The following DLG2 variants were observed in gnomAD, a reference collection of about 807,000 sequenced individuals.
The protein encoded by DLG2 is discs large MAGUK scaffold protein 2.
DLG2 carries 45 observed loss-of-function variants against 132.5 expected under a neutral mutation model. That is an observed-to-expected ratio of 0.34 (90% CI 0.27 to 0.44). DLG2 has a LOEUF of 0.44. DLG2 is among the 20% of genes least tolerant of loss of function. The pLI is 1.00. For missense variants in DLG2, 1,045 were observed against 1,196.9 expected (o/e 0.87, Z 1.87); for synonymous variants, 424 against 419.6 (o/e 1.01, Z -0.13).
chr11:85,399,353 G>A (rs1054685077), intron 3 of DLG2, among the ~76,000 whole-genome samples: 1 of 152,088 alleles, frequency 6.6e-6, no homozygotes, highest in South Asian at 2.1e-4. Flanking sequence ...TGGCCATACT[G>A]CCCAAGGTAA....
At chr11:84,653,945 A>G (rs182737310) in intron 6 of DLG2, among the ~76,000 whole-genome samples, 48 of 152,304 alleles carry the variant, frequency 3.2e-4, no homozygotes, top group African/African-American at 1.1e-3. Context: ...AAAGATCTTT[A>G]GCCTTAGGTA....
intron 6 of DLG2, among the ~76,000 whole-genome samples, chr11:84,538,133 T>C (rs2099359865): frequency 6.6e-6 from 1 of 152,182 alleles, no homozygotes; most frequent in Admixed American, 6.5e-5. Flanking sequence ...TAAACTCAGT[T>C]CTGTGGGAGC....
Position 84,766,795 on chromosome 11 carries a change from G to A in DLG2, c.358-232064C>T, listed in dbSNP as rs563253375. ...CCCATGCTTTAAGATGTTTATAGTCGTTATAGTCTTGCTTATAGTCAAGAT... is the reference window on the plus strand; with the variant it reads ...CCCATGCTTTAAGATGTTTATAGTCATTATAGTCTTGCTTATAGTCAAGAT... On this transcript the variant is annotated intron_variant, in intron 6 of 27. Transcript: ENST00000376104. Among the ~76,000 whole-genome samples the A allele has an allele frequency of 6.6e-5, 10 of 152,122 alleles. No individual in the cohort carries two copies. In the East Asian group the frequency reaches 1.2e-3, roughly 18 times the overall value.
chr11:85,385,677 C>T (rs949788881), intron 3 of DLG2, among the ~76,000 whole-genome samples: 5 of 152,140 alleles, frequency 3.3e-5, no homozygotes, highest in African/African-American at 9.7e-5. Context: ...GCAAGCTATG[C>T]TAAGGCTGTG....
At chr11:85,551,880 T>C (rs1276958254) in intron 3 of DLG2, among the ~76,000 whole-genome samples, 2 of 151,700 alleles carry the variant, frequency 1.3e-5, no homozygotes, top group African/African-American at 4.8e-5. Flanking sequence ...GTAGAAATCC[T>C]CAGGCATAAG....
intron 10 of DLG2, among the ~76,000 whole-genome samples, chr11:84,090,515 C>T (rs919897343): frequency 2.0e-5 from 3 of 150,658 alleles, no homozygotes; most frequent in Non-Finnish European, 4.4e-5. Flanking sequence ...TTAAAAGTTT[C>T]ATCTTACTCT....
intron 7 of DLG2, among the ~76,000 whole-genome samples, chr11:84,306,302 C>CA (rs1567234667): frequency 6.6e-6 from 1 of 151,814 alleles, no homozygotes; most frequent in Non-Finnish European, 1.5e-5. Flanking sequence ...AAACTTGAAC[C>CA]AAAAAATTAA....
intron 11 of DLG2, among the ~76,000 whole-genome samples, chr11:83,989,440 A>G (rs1009505050): frequency 6.6e-6 from 1 of 152,190 alleles, no homozygotes; most frequent in Non-Finnish European, 1.5e-5. Flanking sequence ...TTGGGAAAAC[A>G]TGACACCAAC....
At chr11:83,872,210 C>G (rs976682057) in intron 16 of DLG2, among the ~76,000 whole-genome samples, 3 of 152,162 alleles carry the variant, frequency 2.0e-5, no homozygotes, top group Admixed American at 1.3e-4. Flanking sequence ...TTGCAGTGAG[C>G]CGAGATCACG....
intron 3 of DLG2, among the ~76,000 whole-genome samples, chr11:85,335,114 C>T (rs2082034074): frequency 6.6e-6 from 1 of 152,062 alleles, no homozygotes; most frequent in African/African-American, 2.4e-5. Flanking sequence ...GTGTTGGGTG[C>T]ATATATATTT....
rs188820421 is a variant in DLG2 at position 85,537,680 on chromosome 11, G to A, written c.40+60977C>T. Among the ~76,000 whole-genome samples the A allele has an allele frequency of 1.5e-3, 228 of 151,654 alleles. 5 individuals are homozygous for A. The highest frequency in any genetic ancestry group is 5.2e-3 in the African/African-American group (213 of 41,150). On this transcript the variant is annotated intron_variant, in intron 3 of 27. Transcript: ENST00000376104. The stretch of plus-strand genomic sequence containing the variant: ...AGGAATGAACAACTCCAGATATGCC[G>A]CCTTTAAGAGCTGTAACACTCACTG...
chr11:84,304,815 G>T (rs1413591776), intron 7 of DLG2, among the ~76,000 whole-genome samples: 2 of 152,208 alleles, frequency 1.3e-5, no homozygotes, highest in African/African-American at 4.8e-5. Context: ...TGTGGCTGTA[G>T]TTTGGTGACT....
At chr11:83,905,026 T>G (rs2074371858) in intron 15 of DLG2, among the ~76,000 whole-genome samples, 1 of 152,196 alleles carries the variant, frequency 6.6e-6, no homozygotes, top group Non-Finnish European at 1.5e-5. Context: ...ATTCATTCCC[T>G]TGCTTAAACC....
chr11:85,096,328 C>A (rs1395195711), intron 6 of DLG2, among the ~76,000 whole-genome samples: 2 of 152,192 alleles, frequency 1.3e-5, no homozygotes, highest in Non-Finnish European at 2.9e-5. Flanking sequence ...CCTTTATGAG[C>A]TGTAACACTC....
chr11:85,357,178 G>A (rs1046587916), intron 3 of DLG2, among the ~76,000 whole-genome samples: 1 of 150,604 alleles, frequency 6.6e-6, no homozygotes, highest in African/African-American at 2.4e-5. Flanking sequence ...TTTTCACTAT[G>A]CATACCTCCA....
chr11:84,434,848 A>G (rs930657841), intron 7 of DLG2, among the ~76,000 whole-genome samples: 1 of 151,046 alleles, frequency 6.6e-6, no homozygotes, highest in Non-Finnish European at 1.5e-5. Flanking sequence ...CAGTGTTAAA[A>G]TAGAAGTGAA....
chr11:83,528,941 A>G (rs542791598), intron 21 of DLG2, among the ~76,000 whole-genome samples: 2 of 152,180 alleles, frequency 1.3e-5, no homozygotes, highest in African/African-American at 4.8e-5. Flanking sequence ...AAGTTCATCT[A>G]TAAAGTGCTC....
rs560264107 is a variant in DLG2 at position 85,002,252 on chromosome 11, G to A, written c.357+109409C>T. 2.6e-5 allele frequency among the ~76,000 whole-genome samples: 4 copies of A among 152,078 alleles called. No homozygotes were observed. The East Asian group carries it at 5.8e-4, about 22-fold the overall frequency. On this transcript the variant is annotated intron_variant, in intron 6 of 27. Transcript: ENST00000376104. ...AAAAATATCACATCATAAAAATAAT[G>A]CCCTGATTTGGCTAGTTGCTAGTCT...
At chr11:84,235,465 G>A (rs2097146413) in intron 8 of DLG2, among the ~76,000 whole-genome samples, 1 of 152,016 alleles carries the variant, frequency 6.6e-6, no homozygotes, top group African/African-American at 2.4e-5. Flanking sequence ...GATCACTTGA[G>A]CCCAGGAGCT....
Sources: allele counts gnomAD v4.1 joint callset (sites outside exome capture counted in the v4.1 genomes callset), GRCh38; gene constraint gnomAD v4.1.1; transcripts MANE v1.5; gene names NCBI Gene and HGNC (gene_info 2026-07-23, HGNC 2026-07-21).